The following ANXA13 variants were observed in gnomAD, a reference collection of about 807,000 sequenced individuals.
The protein encoded by ANXA13 is annexin A13, also known as annexin XIII.
ANXA13 carries 36 observed loss-of-function variants against 46.6 expected under a neutral mutation model. That is an observed-to-expected ratio of 0.77 (90% CI 0.59 to 1.02). The LOEUF (loss-of-function observed/expected upper bound fraction) is 1.02, where lower values mean the gene tolerates loss of function less well. ANXA13 is among the 50% of genes least tolerant of loss of function. ANXA13 has a pLI of 0.00. For missense variants in ANXA13, 417 were observed against 396.5 expected, an observed-to-expected ratio of 1.05 and a Z score of -0.44; for synonymous variants, 163 against 152.9, an observed-to-expected ratio of 1.07 and a Z score of -0.49.
chr8:123,734,084 C>T (rs1814193872), intron 1 of ANXA13, among the ~76,000 whole-genome samples: 1 of 152,194 alleles, frequency 6.6e-6, no homozygotes, highest in Admixed American at 6.5e-5. Flanking sequence ...GGCTGTAGTC[C>T]TTTCTATTGC....
chr8:123,690,543 A>G lies in ANXA13; in HGVS notation c.643-1597T>C, dbSNP rs1047216629. Among the ~76,000 whole-genome samples the G allele has an allele frequency of 4.6e-5, 7 of 152,326 alleles. No individual in the cohort carries two copies. The highest frequency in any genetic ancestry group is 6.8e-3 in the Middle Eastern group (2 of 294). ...TGCTGAGGCGTCTCCGTGGGACACA[A>G]TCTGAAACAATGGTCTGGCCCAAGC... On this transcript the variant is annotated intron_variant, in intron 8 of 10. Coordinates refer to ENST00000419625, the MANE Select transcript of ANXA13 (RefSeq NM_004306.4). This position sits in a 1 kb window ranked among gnomAD's most constrained non-coding sequence, Gnocchi z 4.6.
intron 1 of ANXA13, among the ~76,000 whole-genome samples, chr8:123,719,947 C>T (rs754215755): frequency 1.3e-5 from 2 of 151,910 alleles, no homozygotes; most frequent in African/African-American, 2.4e-5. Context: ...TGTAGTAGCA[C>T]GGTGCTGGAT....
chr8:123,709,633 G>T (rs1171463744), intron 2 of ANXA13, among the ~76,000 whole-genome samples: 2 of 152,046 alleles, frequency 1.3e-5, no homozygotes, highest in Non-Finnish European at 2.9e-5. Context: ...GGCATAAATG[G>T]GTTTTAATAT....
intron 1 of ANXA13, among the ~76,000 whole-genome samples, chr8:123,733,824 CTA>C (rs1292678234): frequency 6.6e-6 from 1 of 152,228 alleles, no homozygotes; most frequent in African/African-American, 2.4e-5. Flanking sequence ...AATTCAGACT[CTA>C]GGGCTGGGAC....
At chr8:123,696,739 C>A (rs960970950) in intron 4 of ANXA13, among the ~76,000 whole-genome samples, 4 of 152,150 alleles carry the variant, frequency 2.6e-5, no homozygotes, top group Admixed American at 2.0e-4. Context: ...CTCCTTCCAA[C>A]CCGCAACCAG....
chr8:123,684,623 A>C lies in ANXA13; in HGVS notation c.818T>G (p.Val273Gly). The part of the protein sequence containing the change: ...TDEETLIRIV[V>G]TRAEVDLQGI... Reference sequence around the variant, plus strand: ...AGTGTGTCTTACCTCGGCCCTGGTCACGACTATGCGAATCAACGTCTCCTC... The same window carrying C: ...AGTGTGTCTTACCTCGGCCCTGGTCCCGACTATGCGAATCAACGTCTCCTC... Residue 273 changes from valine (V) to glycine (G), a missense_variant, in exon 10 of 11, where the codon GTG (valine) becomes GGG (glycine). Transcript: ENST00000419625. 6.2e-7 allele frequency: 1 copy of C among 1,613,710 alleles called. No homozygotes were observed. The highest frequency in any genetic ancestry group is 8.5e-7 in the Non-Finnish European group (1 of 1,179,622).
chr8:123,697,161 C>T (rs1374727579), intron 4 of ANXA13, among the ~76,000 whole-genome samples: 1 of 152,206 alleles, frequency 6.6e-6, no homozygotes, highest in African/African-American at 2.4e-5. Context: ...GATCCTCCTG[C>T]TTTGGTCTCC....
rs540817355 is a variant in ANXA13 at position 123,704,837 on chromosome 8, A to AT, written c.92-2102dup. ...TTCTTCCACTGGCCTTTTAAACTCGATTTTCAGTTCTCCTCTCTATTGGAG... is the reference window on the plus strand; with the variant it reads ...TTCTTCCACTGGCCTTTTAAACTCGATTTTTCAGTTCTCCTCTCTATTGGAG... On this transcript the variant is annotated intron_variant, in intron 2 of 10. Transcript: ENST00000419625. Among the ~76,000 whole-genome samples, 241 of 151,826 alleles carry AT rather than the reference A, an allele frequency of 1.6e-3. 1 individual carries two copies. The highest frequency in any genetic ancestry group is 3.4e-3 in the Middle Eastern group (1 of 294).
At chr8:123,728,578 T>C (rs1814047608) in intron 1 of ANXA13, 1 of 152,232 alleles carries the variant, frequency 6.6e-6, no homozygotes, top group Non-Finnish European at 1.5e-5. Context: ...AGTGGGCAGA[T>C]GGAATTGAAA....
chr8:123,693,807 C>G, intron 6 of ANXA13, 28 bp from the exon 7 acceptor site: 1 of 1,591,522 alleles, frequency 6.3e-7, no homozygotes, highest in Non-Finnish European at 8.6e-7. Context: ...TTGTTATTAA[C>G]TTGCATTCCT....
intron 3 of ANXA13, 80 bp from the exon 4 acceptor site, chr8:123,698,639 C>T (rs1586319947): frequency 1.4e-6 from 2 of 1,445,534 alleles, no homozygotes; most frequent in South Asian, 2.5e-5. Context: ...ATTGCAAGTG[C>T]TCATAGTTGA....
At chr8:123,718,248 A>G (rs1276164265) in intron 1 of ANXA13, among the ~76,000 whole-genome samples, 2 of 152,262 alleles carry the variant, frequency 1.3e-5, no homozygotes, top group Non-Finnish European at 2.9e-5. Context: ...CAAATCAGCA[A>G]TAAACTTTCC....
intron 2 of ANXA13, among the ~76,000 whole-genome samples, chr8:123,709,764 G>A (rs1435608756): frequency 5.9e-5 from 9 of 152,128 alleles, no homozygotes; most frequent in African/African-American, 2.2e-4. Context: ...ATATGTATGT[G>A]TGTATATATT....
At chr8:123,683,443 A>T (rs78598290) in intron 10 of ANXA13, among the ~76,000 whole-genome samples, 5,789 of 51,256 alleles carry the variant, frequency 0.11, 109 homozygotes, top group African/African-American at 0.14. Flanking sequence ...TTTTTTTTTG[A>T]GGGAAGATGT....
intron 2 of ANXA13, among the ~76,000 whole-genome samples, chr8:123,709,593 C>T (rs1055339817): frequency 6.6e-6 from 1 of 152,168 alleles, no homozygotes; most frequent in Non-Finnish European, 1.5e-5. Context: ...ATAACTCCCA[C>T]ATGCTTAGTG....
intron 1 of ANXA13, among the ~76,000 whole-genome samples, chr8:123,720,758 A>T (rs2129919295): frequency 6.6e-6 from 1 of 151,562 alleles, no homozygotes; most frequent in African/African-American, 2.4e-5. Context: ...ATATTTAAAA[A>T]TTTTTGTAGC....
intron 9 of ANXA13, among the ~76,000 whole-genome samples, chr8:123,687,256 T>G (rs1379361443): frequency 6.6e-6 from 1 of 152,190 alleles, no homozygotes; most frequent in African/African-American, 2.4e-5. Context: ...AATGCAGGTA[T>G]AGCAAGCAAG....
In ANXA13 at chr8:123,680,806, C is replaced by A. The variant is rs540356265; in HGVS notation, c.*434G>T. The stretch of plus-strand genomic sequence containing the variant: ...GAAAAGCAGCTGATAGAGGCATAAT[C>A]CACAACTTTAATTAACAATGAGGCT... On this transcript the variant is annotated 3_prime_UTR_variant, in exon 11 of 11. Coordinates refer to ENST00000419625, the MANE Select transcript of ANXA13 (RefSeq NM_004306.4). The A allele has an allele frequency of 1.3e-5, 2 of 154,096 alleles. No homozygotes were observed. Among genetic ancestry groups the A allele is most frequent in the South Asian group, 4.1e-4 (2 of 4,888 alleles). 9.5% of individuals were successfully genotyped at this position (154,096 alleles called of 1,614,324 possible). A position where few individuals can be genotyped will look rare whatever the true frequency, so the allele number is the denominator to read the frequency against.
Position 123,693,304 on chromosome 8 carries a change from G to A in ANXA13, c.541-6C>T, listed in dbSNP as rs1386863866. The stretch of plus-strand genomic sequence containing the variant: ...CCCCAGCGGCCTTCCCCTGCCTCAA[G>A]GGTCAAATACAAACACTTTGAAAAA... On this transcript the variant is annotated splice_region_variant and splice_polypyrimidine_tract_variant and intron_variant, in intron 7 of 10. Coordinates refer to ENST00000419625, the MANE Select transcript of ANXA13 (RefSeq NM_004306.4). The A allele has an allele frequency of 9.9e-6, 16 of 1,613,506 alleles. No individual in the cohort carries two copies. Among genetic ancestry groups the A allele is most frequent in the African/African-American group, 2.7e-5 (2 of 74,868 alleles).
Sources: allele counts gnomAD v4.1 joint callset (sites outside exome capture counted in the v4.1 genomes callset), GRCh38; gene constraint gnomAD v4.1.1; non-coding constraint Gnocchi (gnomAD v3.1); transcripts MANE v1.5; gene names NCBI Gene and HGNC (gene_info 2026-07-23, HGNC 2026-07-21).